Variants in CCNH observed in about 807,000 individuals in gnomAD.
CCNH encodes cyclin H, also known as cyclin-H.
In CCNH, 31 loss-of-function variants were observed where a neutral mutation model predicts 41.9. The observed-to-expected ratio is 0.74, with a 90% confidence interval of 0.56 to 1.00. CCNH has a LOEUF of 1.00. Ranked by LOEUF, CCNH falls within the 50% of genes least tolerant of loss-of-function variation. CCNH has a pLI of 0.00. For synonymous variants in CCNH, 138 were observed against 136.1 expected, an observed-to-expected ratio of 1.01 and a Z score of -0.10; for missense variants, 362 against 388.4, an observed-to-expected ratio of 0.93 and a Z score of 0.57.
chr5:87,378,388 T>G, upstream of CCNH: 1 of 1,612,610 alleles, frequency 6.2e-7, no homozygotes, highest in Non-Finnish European at 8.5e-7. Flanking sequence ...ATGTAAATAT[T>G]TGTGTAGATG....
intron 7 of CCNH, among the ~76,000 whole-genome samples, chr5:87,398,685 A>G (rs1646941260): frequency 6.6e-6 from 1 of 152,178 alleles, no homozygotes; most frequent in South Asian, 2.1e-4. Flanking sequence ...CTCTTTTCCT[A>G]TTGGCTTTGT....
At chr5:87,372,011 T>C, downstream of CCNH, 1 of 833,848 alleles carries the variant, frequency 1.2e-6, no homozygotes, top group Non-Finnish European at 1.9e-6. Context: ...GAAATGGCAG[T>C]CTAGAGAAGG....
At chr5:87,412,381 A>T in intron 1 of CCNH, 1 of 1,127,464 alleles carries the variant, frequency 8.9e-7, no homozygotes, top group Non-Finnish European at 1.1e-6. Context: ...CCCCAACATC[A>T]TCTCTTGACA....
intron 9 of CCNH, among the ~76,000 whole-genome samples, chr5:87,352,229 G>T (rs1251645216): frequency 2.0e-5 from 3 of 151,272 alleles, no homozygotes; most frequent in African/African-American, 7.3e-5. Context: ...AGGTCCTTTT[G>T]TTTTGGTTTT....
chr5:87,352,476 T>A (rs1434414363), intron 9 of CCNH, among the ~76,000 whole-genome samples: 1 of 151,790 alleles, frequency 6.6e-6, no homozygotes, highest in Non-Finnish European at 1.5e-5. Flanking sequence ...TCTTACTGAT[T>A]ATAGAGAAAC....
At chr5:87,409,148 A>AG in intron 3 of CCNH, 142 bp downstream of exon 3, 1 of 434,280 alleles carries the variant, frequency 2.3e-6, no homozygotes, top group South Asian at 6.1e-5. Flanking sequence ...AAAAAAAAAA[A>AG]TAGAATTCAA....
downstream of CCNH, among the ~76,000 whole-genome samples, chr5:87,315,651 C>A (rs1028025387): frequency 2.0e-5 from 3 of 152,162 alleles, no homozygotes; most frequent in Non-Finnish European, 4.4e-5. Context: ...ATTTAATAAT[C>A]TCATATTAGA....
At chr5:87,338,501 TTATATATATA>T (rs3069490) in intron 9 of CCNH, among the ~76,000 whole-genome samples, 2,661 of 75,664 alleles carry the variant, frequency 0.035, 116 homozygotes, top group Non-Finnish European at 0.053. Flanking sequence ...CCAGCTAATT[TTATATATATA>T]TATATATATA....
intron 9 of CCNH, chr5:87,383,689 A>G: frequency 6.3e-7 from 1 of 1,593,692 alleles, no homozygotes; most frequent in Non-Finnish European, 8.6e-7. Context: ...AAAAAAAAAA[A>G]AAAAAAATTT....
chr5:87,374,023 C>A, downstream of CCNH: 1 of 660,024 alleles, frequency 1.5e-6, no homozygotes, highest in Non-Finnish European at 2.0e-6. Context: ...AAATATATAA[C>A]CAAAGCTCAC....
intron 9 of CCNH, among the ~76,000 whole-genome samples, chr5:87,361,280 G>C (rs767337087): frequency 5.3e-5 from 8 of 152,292 alleles, no homozygotes; most frequent in Admixed American, 2.6e-4. Flanking sequence ...CAGTTTGTCA[G>C]CCCTGCTGTA....
rs1005369390 is a variant in CCNH, at chr5:87,338,240, A to G, written c.*91-19343T>C. On this transcript the variant is annotated intron_variant and NMD_transcript_variant, in intron 9 of 9. Transcript: ENST00000645953. ...ACAAGAATTATAAGTGCTGTTTGTTAGTATGGAACATAATCAGGCTAGCAT... is the reference window on the plus strand; with the variant it reads ...ACAAGAATTATAAGTGCTGTTTGTTGGTATGGAACATAATCAGGCTAGCAT... 1.1e-5 allele frequency: 14 copies of G among 1,262,740 alleles called. 1 individual carries two copies. The South Asian group carries it at 1.8e-4, about 16-fold the overall frequency. The allele number at this position is 1,262,740 out of a possible 1,614,324, so 78.2% of individuals were successfully genotyped here.
chr5:87,374,425 T>G, downstream of CCNH: 1 of 808,020 alleles, frequency 1.2e-6, no homozygotes. Context: ...AGGTACCATA[T>G]CCAGGTGTTC....
chr5:87,385,480 A>G (rs1193082938), intron 9 of CCNH: 1 of 998,152 alleles, frequency 1.0e-6, no homozygotes, highest in African/African-American at 1.6e-5. Context: ...AATTTTTAGC[A>G]GTGAAATTTT....
At chr5:87,370,806 A>G (rs151114754) in intron 9 of CCNH, among the ~76,000 whole-genome samples, 1 of 152,278 alleles carries the variant, frequency 6.6e-6, no homozygotes, top group East Asian at 1.9e-4. Context: ...TTGGAAATAT[A>G]ATTTGCCAAC....
downstream of CCNH, chr5:87,374,791 G>C: frequency 6.3e-7 from 1 of 1,598,030 alleles, no homozygotes; most frequent in Non-Finnish European, 8.5e-7. Context: ...AAATAAGGTA[G>C]TTTGATGCCA....
chr5:87,355,572 ATTG>A (rs1759591252), intron 9 of CCNH, among the ~76,000 whole-genome samples: 1 of 152,206 alleles, frequency 6.6e-6, no homozygotes, highest in African/African-American at 2.4e-5. Flanking sequence ...GTACAAGGAG[ATTG>A]TTGTTTTCAT....
intron 9 of CCNH, chr5:87,353,040 T>A: frequency 1.4e-6 from 1 of 716,232 alleles, no homozygotes; most frequent in Non-Finnish European, 2.5e-6. Flanking sequence ...ATTTGTGTTA[T>A]GTGCTTTGAA....
intron 5 of CCNH, among the ~76,000 whole-genome samples, chr5:87,403,648 G>A (rs1053116898): frequency 2.0e-5 from 3 of 151,974 alleles, no homozygotes; most frequent in Non-Finnish European, 1.5e-5. Context: ...AAGGTGTGGC[G>A]GTGTGTGCCT....
Sources: allele counts gnomAD v4.1 joint callset (sites outside exome capture counted in the v4.1 genomes callset), GRCh38; gene constraint gnomAD v4.1.1; transcripts MANE v1.5; gene names NCBI Gene and HGNC (gene_info 2026-07-23, HGNC 2026-07-21).